ERC2: variants seen among roughly 807,000 people sequenced by gnomAD.
The protein encoded by ERC2 is ERC protein 2.
Under a neutral mutation model 114.8 loss-of-function variants are expected in ERC2, and 42 were observed. The observed-to-expected ratio is 0.37, with a 90% CI of 0.29 to 0.47. ERC2 has a LOEUF of 0.47. Among genes scored for constraint, ERC2 ranks in the 20% least tolerant of loss-of-function variants. The probability of loss-of-function intolerance (pLI) is 0.99; values close to 1 mark genes in which losing one functional copy is unlikely to be tolerated. For synonymous variants in ERC2, 454 were observed against 425.5 expected, an observed-to-expected ratio of 1.07 and a Z score of -0.82; for missense variants, 939 against 1,150.7, an observed-to-expected ratio of 0.82 and a Z score of 2.66.
chr3:56,241,051 C>T (rs1251072378), intron 3 of ERC2, among the ~76,000 whole-genome samples: 1 of 152,102 alleles, frequency 6.6e-6, no homozygotes, highest in African/African-American at 2.4e-5. Context: ...GTTTAGCTCC[C>T]ACTTACAATT....
chr3:55,748,458 A>G (rs1038566314), intron 14 of ERC2, among the ~76,000 whole-genome samples: 38 of 152,260 alleles, frequency 2.5e-4, no homozygotes, highest in African/African-American at 9.1e-4. Flanking sequence ...CTGCTACCAC[A>G]GCAGAACCCA....
At chr3:56,239,689 A>G (rs1348922998) in intron 3 of ERC2, among the ~76,000 whole-genome samples, 1 of 152,214 alleles carries the variant, frequency 6.6e-6, no homozygotes. Context: ...TTTTTATACT[A>G]ATTACAAAGA....
At chr3:56,139,469 C>A in intron 6 of ERC2, 40 bp downstream of exon 6, 2 of 1,575,248 alleles carry the variant, frequency 1.3e-6, no homozygotes, top group Non-Finnish European at 8.6e-7. Flanking sequence ...TCTATCAATT[C>A]AATGTCTCTG....
chr3:55,597,249 T>C (rs1416771389), intron 17 of ERC2, among the ~76,000 whole-genome samples: 2 of 151,904 alleles, frequency 1.3e-5, no homozygotes, highest in Non-Finnish European at 1.5e-5. Flanking sequence ...TGAAACCCCA[T>C]CTCTACAAAA....
chr3:56,412,679 T>C (rs1033709463), intron 2 of ERC2, among the ~76,000 whole-genome samples: 1 of 152,178 alleles, frequency 6.6e-6, no homozygotes, highest in Non-Finnish European at 1.5e-5. Context: ...TTGGCACGAT[T>C]TGTGAGCTGT....
At chr3:55,619,677 A>G (rs358924) in intron 17 of ERC2, among the ~76,000 whole-genome samples, 11,391 of 152,268 alleles carry the variant, frequency 0.075, 513 homozygotes, top group Admixed American at 0.096. Flanking sequence ...CTGTTGGAAC[A>G]TGGTAGACAT....
intron 13 of ERC2, among the ~76,000 whole-genome samples, chr3:55,943,000 G>C (rs965023900): frequency 6.6e-6 from 1 of 152,170 alleles, no homozygotes; most frequent in African/African-American, 2.4e-5. Context: ...TTGAGCTATT[G>C]GAAAGAGGTT....
intron 2 of ERC2, among the ~76,000 whole-genome samples, chr3:56,349,004 T>G (rs2058447421): frequency 2.0e-5 from 3 of 150,358 alleles, no homozygotes; most frequent in Non-Finnish European, 3.0e-5. Flanking sequence ...AAGAAAGAAT[T>G]TAGTAACAGA....
At position 55,769,288 on chromosome 3, in the gene ERC2, T is replaced by C. The variant is rs554411866; in HGVS notation, c.2565-34370A>G. Among the ~76,000 whole-genome samples the C allele has an allele frequency of 7.2e-5, 11 of 152,178 alleles. No homozygotes were observed. The South Asian group carries it at 1.0e-3, about 14-fold the overall frequency. ...TGAGGTCAAGTCATTCAACATTTAT[T>C]TGGGGGCAGTTTGGGAGCTGATAGT... On this transcript the variant is annotated intron_variant, in intron 14 of 17. Transcript: ENST00000288221.
intron 14 of ERC2, among the ~76,000 whole-genome samples, chr3:55,740,407 TA>T (rs2065905987): frequency 6.6e-6 from 1 of 152,142 alleles, no homozygotes; most frequent in African/African-American, 2.4e-5. Context: ...TGGCATTATA[TA>T]ATCATAGAAC....
chr3:55,943,642 C>G (rs1010193127), intron 13 of ERC2, among the ~76,000 whole-genome samples: 8 of 152,122 alleles, frequency 5.3e-5, no homozygotes, highest in African/African-American at 1.9e-4. Flanking sequence ...ACTGGTCCTA[C>G]CAATCCTCAA....
chr3:55,529,480 T>A (rs543860287), intron 17 of ERC2, among the ~76,000 whole-genome samples: 58 of 152,274 alleles, frequency 3.8e-4, no homozygotes, highest in Non-Finnish European at 7.4e-4. Flanking sequence ...GTTCCAAGAG[T>A]AGCCTAACCT....
At chr3:56,129,809 C>G (rs2080099342) in intron 6 of ERC2, among the ~76,000 whole-genome samples, 1 of 152,074 alleles carries the variant, frequency 6.6e-6, no homozygotes, top group Non-Finnish European at 1.5e-5. Context: ...GACTCGATAC[C>G]TCTACACCCC....
chr3:56,095,241 G>A (rs555857539), intron 6 of ERC2, among the ~76,000 whole-genome samples: 1 of 152,124 alleles, frequency 6.6e-6, no homozygotes, highest in East Asian at 1.9e-4. Flanking sequence ...AAAACAAAAA[G>A]TATTAATATA....
intron 3 of ERC2, among the ~76,000 whole-genome samples, chr3:56,175,697 A>C (rs551025122): frequency 1.3e-5 from 2 of 152,286 alleles, no homozygotes; most frequent in African/African-American, 4.8e-5. Flanking sequence ...GGCATCCCTG[A>C]ATGCAGAATT....
At chr3:56,297,652 G>A (rs184547438) in intron 2 of ERC2, among the ~76,000 whole-genome samples, 48 of 152,248 alleles carry the variant, frequency 3.2e-4, no homozygotes, top group African/African-American at 1.1e-3. Flanking sequence ...CTGTTCATTC[G>A]CCAAACACAT....
chr3:55,978,302 A>C (rs2069760938), intron 12 of ERC2, among the ~76,000 whole-genome samples: 1 of 152,162 alleles, frequency 6.6e-6, no homozygotes, highest in Non-Finnish European at 1.5e-5. Context: ...TAGTTTACAT[A>C]TTTATATATA....
chr3:56,232,707 T>C lies in ERC2; in HGVS notation c.1075-59187A>G, dbSNP rs142246226. 5.5e-3 allele frequency among the ~76,000 whole-genome samples: 843 copies of C among 152,260 alleles called. 6 individuals carry two copies. Among genetic ancestry groups the C allele is most frequent in the Non-Finnish European group, 8.1e-3 (551 of 68,018 alleles). The stretch of plus-strand genomic sequence containing the variant: ...ATCCTCTATCACACATCATCAGAAA[T>C]ACCCTCACCTCTGTAGTCCTTGATT... On this transcript the variant is annotated intron_variant, in intron 3 of 17. Transcript: ENST00000288221.
chr3:55,582,489 A>G (rs1158105830), intron 17 of ERC2, among the ~76,000 whole-genome samples: 1 of 152,230 alleles, frequency 6.6e-6, no homozygotes. Context: ...TTATATCCAG[A>G]AGTTGGCTAT....
Sources: allele counts gnomAD v4.1 joint callset (sites outside exome capture counted in the v4.1 genomes callset), GRCh38; gene constraint gnomAD v4.1.1; transcripts MANE v1.5; gene names NCBI Gene and HGNC (gene_info 2026-07-23, HGNC 2026-07-21).